ZNF408: variants seen among roughly 807,000 people sequenced by gnomAD.
ZNF408 encodes the protein PR domain zinc finger protein 17.
In ZNF408, 24 loss-of-function variants were observed where a neutral mutation model predicts 27.6. The ratio of observed to expected loss-of-function variants is 0.87; its 90% CI spans 0.63 to 1.22. The LOEUF (loss-of-function observed/expected upper bound fraction) is 1.22. ZNF408 is among the 50% of genes most tolerant of loss of function. The probability of loss-of-function intolerance (pLI) is 0.00; values close to 1 mark genes in which losing one functional copy is unlikely to be tolerated. For synonymous variants in ZNF408, 410 were observed against 396.1 expected (o/e 1.04, Z -0.42); for missense variants, 897 against 949.0 (o/e 0.95, Z 0.72).
chr11:46,703,589 T>C (rs1297369306), intron 4 of ZNF408, among the ~76,000 whole-genome samples: 2 of 152,084 alleles, frequency 1.3e-5, no homozygotes, highest in East Asian at 3.8e-4. Flanking sequence ...TTTGCAACTT[T>C]TACCTTCCTA....
At position 46,704,355 on chromosome 11, in the gene ZNF408, C is replaced by T; in HGVS notation, c.655C>T (p.Pro219Ser). 1 of 1,583,744 alleles carries T rather than the reference C, an allele frequency of 6.3e-7. No individual in the cohort carries two copies. Reference sequence around the variant, plus strand: ...AGTACCCCATCCTTGCCTTGCAGATCCTGGTTCCCAGTCACCCTCTGGCAT... The same window carrying T: ...AGTACCCCATCCTTGCCTTGCAGATTCTGGTTCCCAGTCACCCTCTGGCAT... ...GEDAAEPCID[P>S]GSQSPSGIQA... Residue 219 changes from proline to serine, a missense_variant and splice_region_variant, in exon 5 of 5, where the codon CCT becomes TCT. Transcript: ENST00000311764.
At chr11:46,702,882 C>T in intron 3 of ZNF408, 102 bp from the exon 4 acceptor site, 2 of 1,592,146 alleles carry the variant, frequency 1.3e-6, no homozygotes, top group Non-Finnish European at 1.7e-6. Flanking sequence ...GTTCCAAAGG[C>T]ACGGCGTCCT....
chr11:46,704,332 T>C, intron 4 of ZNF408, 21 bp from the exon 5 acceptor site: 1 of 1,565,592 alleles, frequency 6.4e-7, no homozygotes, highest in Non-Finnish European at 8.7e-7. Context: ...CTAAACCCAG[T>C]ACCCCATCCT....
intron 1 of ZNF408, 80 bp downstream of exon 1, chr11:46,701,179 C>A (rs1210391828): frequency 6.2e-7 from 1 of 1,610,026 alleles, no homozygotes; most frequent in African/African-American, 1.3e-5. Flanking sequence ...TCTCCTCAGT[C>A]TTCTCTCCTC....
rs374921720 is a variant in ZNF408, at chr11:46,705,712, G to C, written c.2012G>C (p.Arg671Thr). The C allele has an allele frequency of 6.8e-5, 110 of 1,613,354 alleles. No homozygotes were observed. Among genetic ancestry groups the C allele is most frequent in the Non-Finnish European group, 8.6e-5 (102 of 1,179,770 alleles). The change falls in exon 5 of 5, where the codon AGG becomes ACG. Residue 671 changes from arginine (R) to threonine (T), a missense_variant. Physicochemically the swap from Arg to Thr is moderately conservative, Grantham distance 71. Transcript: ENST00000311764. This position sits in a 1 kb window ranked among gnomAD's most constrained non-coding sequence, Gnocchi z 6.5. ...THREEEVSPA[R>T]DVVEVTISES... ...AGAGAGGAGGAAGTCTCCCCCGCCA[G>C]GGATGTTGTTGAGGTCACCATTTCA... is the stretch of plus-strand genomic sequence containing the variant.
chr11:46,705,902 G>T lies in ZNF408; in HGVS notation c.*39G>T, dbSNP rs1251447279. ...TGCTGACACAGCTCCATAAAGACTC[G>T]TGCTTTCTCACTGCTGCGTGTCTGC... On this transcript the variant is annotated 3_prime_UTR_variant, in exon 5 of 5. Transcript: ENST00000311764. This position sits in a 1 kb window ranked among gnomAD's most constrained non-coding sequence, Gnocchi z 6.5. 6.3e-7 allele frequency: 1 copy of T among 1,578,358 alleles called. No homozygotes were observed. The highest frequency in any genetic ancestry group is 8.6e-7 in the Non-Finnish European group (1 of 1,162,316).
rs753618518 is a variant in ZNF408 at position 46,705,526 on chromosome 11, G to A, written c.1826G>A (p.Cys609Tyr). 6.2e-7 allele frequency: 1 copy of A among 1,604,732 alleles called. No individual in the cohort carries two copies. The highest frequency in any genetic ancestry group is 1.1e-5 in the South Asian group (1 of 91,086). The change falls in exon 5 of 5, where the codon TGC (cysteine) becomes TAC (tyrosine). Residue 609 changes from cysteine (C) to tyrosine (Y), a missense_variant. Transcript: ENST00000311764. This position sits in a 1 kb window ranked among gnomAD's most constrained non-coding sequence, Gnocchi z 6.5. ...CACTTGGAGGACAAGCCCTACCGCT[G>A]CCCCACCTGTGGCATGGGCTACACC... ...KSHLEDKPYR[C>Y]PTCGMGYTLP...
chr11:46,701,118 C>T lies in ZNF408; in HGVS notation c.52+19C>T, dbSNP rs765045914. 1.5e-5 allele frequency: 24 copies of T among 1,613,942 alleles called. No individual in the cohort carries two copies. In the Admixed American group the frequency reaches 4.0e-4, roughly 27 times the overall value. ...CAACTCGGTGAGTGACCTGCGATGT[C>T]CGCGACCCTCAACCTTGGCCCAGGT... is the stretch of plus-strand genomic sequence containing the variant. On this transcript the variant is annotated intron_variant, in intron 1 of 4. Coordinates refer to ENST00000311764, the MANE Select transcript of ZNF408 (RefSeq NM_024741.3).
Position 46,701,455 on chromosome 11 carries a change from A to G in ZNF408, c.109A>G (p.Thr37Ala). 2 of 1,613,932 alleles carry G rather than the reference A, an allele frequency of 1.2e-6. No homozygotes were observed. Among genetic ancestry groups the G allele is most frequent in the Non-Finnish European group, 1.7e-6 (2 of 1,180,018 alleles). Residue 37 changes from threonine to alanine, a missense_variant, in exon 2 of 5, where the codon ACG becomes GCG. Physicochemically the swap from Thr to Ala is moderately conservative, Grantham distance 58 (BLOSUM62 0). Transcript: ENST00000311764. Reference protein sequence around the residue: ...LGWNPSGEGCTQGLKDVPPEP... With the variant: ...LGWNPSGEGCAQGLKDVPPEP... The stretch of plus-strand genomic sequence containing the variant: ...ATGGAACCCTTCCGGAGAAGGCTGT[A>G]CGCAGGGCCTCAAAGACGTCCCACC...
At position 46,705,215 on chromosome 11, in the gene ZNF408, T is replaced by C; in HGVS notation, c.1515T>C (p.Phe505=). ...PFLCPHCGRA[F]RQRGNLRGHL... Reference sequence around the variant, plus strand: ...TGTGCCCGCACTGTGGCCGGGCGTTTCGTCAGCGGGGCAACCTGCGTGGGC... The same window carrying C: ...TGTGCCCGCACTGTGGCCGGGCGTTCCGTCAGCGGGGCAACCTGCGTGGGC... The change falls in exon 5 of 5, where the codon TTT becomes TTC. Residue 505 remains phenylalanine (F), a synonymous_variant. Coordinates refer to ENST00000311764, the MANE Select transcript of ZNF408 (RefSeq NM_024741.3). The surrounding 1 kb of genome is among the most constrained non-coding windows in gnomAD (Gnocchi z 6.5). 1 of 1,611,972 alleles carries C rather than the reference T, an allele frequency of 6.2e-7. No homozygotes were observed. Among genetic ancestry groups the C allele is most frequent in the Non-Finnish European group, 8.5e-7 (1 of 1,179,896 alleles).
chr11:46,702,603 C>T, intron 2 of ZNF408, 101 bp from the exon 3 acceptor site: 1 of 1,203,404 alleles, frequency 8.3e-7, no homozygotes. Flanking sequence ...CCAGGAGTTT[C>T]ATCTTAAATT....
chr11:46,701,110 T>G lies in ZNF408; in HGVS notation c.52+11T>G. Reference sequence around the variant, plus strand: ...AGGCGCTGCAACTCGGTGAGTGACCTGCGATGTCCGCGACCCTCAACCTTG... The same window carrying G: ...AGGCGCTGCAACTCGGTGAGTGACCGGCGATGTCCGCGACCCTCAACCTTG... On this transcript the variant is annotated intron_variant, in intron 1 of 4. Transcript: ENST00000311764. The G allele has an allele frequency of 6.2e-7, 1 of 1,614,120 alleles. No individual in the cohort carries two copies. Among genetic ancestry groups the G allele is most frequent in the Non-Finnish European group, 8.5e-7 (1 of 1,180,006 alleles).
In ZNF408 at chr11:46,703,034, G is replaced by A. The variant is rs760395868; in HGVS notation, c.443G>A (p.Arg148Gln). Reference protein sequence around the residue: ...LESEGNVAPVRISERLHLQVY... With the variant: ...LESEGNVAPVQISERLHLQVY... The stretch of plus-strand genomic sequence containing the variant: ...AGTGAGGGAAATGTGGCCCCAGTGC[G>A]GATCAGCGAGAGGCTTCATCTGCAA... Residue 148 changes from arginine (R) to glutamine (Q), a missense_variant, in exon 4 of 5, where the codon CGG (arginine) becomes CAG (glutamine). Coordinates refer to ENST00000311764, the MANE Select transcript of ZNF408 (RefSeq NM_024741.3). 11 of 1,613,868 alleles carry A rather than the reference G, an allele frequency of 6.8e-6. No individual in the cohort carries two copies. Among genetic ancestry groups the A allele is most frequent in the Middle Eastern group, 1.6e-4 (1 of 6,076 alleles).
Position 46,702,715 on chromosome 11 carries a change from A to G in ZNF408, c.342A>G (p.Leu114=). The change falls in exon 3 of 5, where the codon TTA becomes TTG. Residue 114 remains leucine (L), a synonymous_variant. Coordinates refer to ENST00000311764, the MANE Select transcript of ZNF408 (RefSeq NM_024741.3). ...VKPRQEENLS[L]GPWGDVCACE... ...TTGGTTTATTTCAGAACCTGTCATTAGGCCCATGGGGAGACGTGTGTGCCT... is the reference window on the plus strand; with the variant it reads ...TTGGTTTATTTCAGAACCTGTCATTGGGCCCATGGGGAGACGTGTGTGCCT... 1.9e-6 allele frequency: 3 copies of G among 1,614,084 alleles called. No individual in the cohort carries two copies. The highest frequency in any genetic ancestry group is 2.2e-5 in the South Asian group (2 of 91,082).
chr11:46,703,767 G>GTTTTTTTTT (rs1478673835), intron 4 of ZNF408, among the ~76,000 whole-genome samples: 6 of 87,078 alleles, frequency 6.9e-5, no homozygotes, highest in East Asian at 7.2e-4. Context: ...TGTTGTTGTT[G>GTTTTTTTTT]TTGTTTTTTT....
chr11:46,704,146 T>G (rs970727473), intron 4 of ZNF408, among the ~76,000 whole-genome samples: 4 of 152,030 alleles, frequency 2.6e-5, no homozygotes, highest in Non-Finnish European at 5.9e-5. Flanking sequence ...ACCCCATGGC[T>G]CTCAGGAGTG....
Position 46,702,996 on chromosome 11 carries a change from G to C in ZNF408, c.405G>C (p.Arg135=). The C allele has an allele frequency of 2.5e-6, 4 of 1,614,016 alleles. No individual in the cohort carries two copies. The highest frequency in any genetic ancestry group is 3.4e-6 in the Non-Finnish European group (4 of 1,179,888). ...CTTTGCTTTGCAGCTTGGTACAACGGGGCAGGCTGGAGAGTGAGGGAAATG... is the reference window on the plus strand; with the variant it reads ...CTTTGCTTTGCAGCTTGGTACAACGCGGCAGGCTGGAGAGTGAGGGAAATG... The part of the protein sequence containing the change: ...QSSGWTSLVQ[R]GRLESEGNVA... The change falls in exon 4 of 5, where the codon CGG becomes CGC. Residue 135 remains arginine (R), a synonymous_variant. Transcript: ENST00000311764.
chr11:46,704,306 T>C, intron 4 of ZNF408, 47 bp from the exon 5 acceptor site: 1 of 1,523,576 alleles, frequency 6.6e-7, no homozygotes, highest in South Asian at 1.3e-5. Flanking sequence ...GGTAACACCA[T>C]CTGCATTGAA....
In ZNF408 at chr11:46,701,391, C is replaced by T; in HGVS notation, c.53-8C>T. ...TGGCTCCCTCACTGTCTTCCCTTCT[C>T]TCTGCAGCCCGCGAGCCGCGCCTGG... On this transcript the variant is annotated splice_polypyrimidine_tract_variant and splice_region_variant and intron_variant, in intron 1 of 4. Coordinates refer to ENST00000311764, the MANE Select transcript of ZNF408 (RefSeq NM_024741.3). 6.2e-7 allele frequency: 1 copy of T among 1,612,494 alleles called. No individual in the cohort carries two copies. The highest frequency in any genetic ancestry group is 8.5e-7 in the Non-Finnish European group (1 of 1,178,890).
Sources: gnomAD v4.1 joint callset for allele counts (sites outside exome capture counted in the v4.1 genomes callset) on GRCh38, gnomAD v4.1.1 for gene constraint, Gnocchi (gnomAD v3.1) non-coding constraint, MANE v1.5 for transcripts, NCBI Gene and HGNC (gene_info 2026-07-23, HGNC 2026-07-21) for gene names.